Variants in ING3 observed in about 807,000 individuals in gnomAD.
The protein encoded by ING3 is inhibitor of growth family member 3.
In ING3, 6 loss-of-function variants were observed where a neutral mutation model predicts 64.8. That is an observed-to-expected ratio of 0.09 (90% CI 0.05 to 0.18). ING3 has a LOEUF of 0.18. Among genes scored for constraint, ING3 ranks in the 10% least tolerant of loss-of-function variants. ING3 has a pLI of 1.00. For synonymous variants in ING3, 170 were observed against 173.7 expected (o/e 0.98, Z 0.17); for missense variants, 310 against 489.7 (o/e 0.63, Z 3.46).
At position 120,969,302 on chromosome 7, in the gene ING3, G is replaced by A. The variant is rs1166490275; in HGVS notation, c.908+98G>A. On this transcript the variant is annotated intron_variant, in intron 9 of 11. Transcript: ENST00000315870. Reference sequence around the variant, plus strand: ...CTCTATGTTAAAGGCAGGATATAACGGATTAAAATTAACCTTGCAGAGGTA... The same window carrying A: ...CTCTATGTTAAAGGCAGGATATAACAGATTAAAATTAACCTTGCAGAGGTA... The A allele has an allele frequency of 1.4e-5, 12 of 832,146 alleles. No homozygotes were observed. The Middle Eastern group carries it at 1.2e-3, about 84-fold the overall frequency. 51.5% of individuals were successfully genotyped at this position (832,146 alleles called of 1,614,324 possible). A position where few individuals can be genotyped will look rare whatever the true frequency, so the allele number is the denominator to read the frequency against.
At chr7:120,967,710 A>G in intron 7 of ING3, 62 bp downstream of exon 7, 1 of 1,487,688 alleles carries the variant, frequency 6.7e-7, no homozygotes, top group Non-Finnish European at 9.1e-7. Flanking sequence ...GGGGAAATAA[A>G]GTGTTTCAGG....
At chr7:120,964,607 G>A in intron 4 of ING3, 135 bp from the exon 5 acceptor site, 1 of 632,478 alleles carries the variant, frequency 1.6e-6, no homozygotes, top group East Asian at 2.7e-5. Flanking sequence ...AACCTCTGAG[G>A]CATAGATTAA....
intron 1 of ING3, 88 bp downstream of exon 1, chr7:120,951,012 AG>A (rs1243597872): frequency 1.3e-5 from 8 of 607,256 alleles, no homozygotes; most frequent in Non-Finnish European, 2.4e-5. Flanking sequence ...GGCGGGAGGG[AG>A]GGGGCGGCGG....
At chr7:120,951,357 G>A in intron 2 of ING3, 122 bp downstream of exon 2, 1 of 886,780 alleles carries the variant, frequency 1.1e-6, no homozygotes, top group South Asian at 1.5e-5. Flanking sequence ...AGTGCATAAG[G>A]AGTTGTCAAA....
intron 3 of ING3, among the ~76,000 whole-genome samples, chr7:120,954,011 A>G (rs1338293689): frequency 6.6e-6 from 1 of 152,194 alleles, no homozygotes; most frequent in Non-Finnish European, 1.5e-5. Context: ...GATACATTGG[A>G]AAAACAACTT....
chr7:120,951,344 G>C, intron 2 of ING3, 109 bp downstream of exon 2: 1 of 999,820 alleles, frequency 1.0e-6, no homozygotes, highest in Non-Finnish European at 1.6e-6. Context: ...GGCTCACTCC[G>C]CTAGTGCATA....
intron 6 of ING3, among the ~76,000 whole-genome samples, chr7:120,966,918 A>G (rs1044821966): frequency 6.6e-6 from 1 of 152,158 alleles, no homozygotes; most frequent in Non-Finnish European, 1.5e-5. Flanking sequence ...AGGAGAATGT[A>G]TAGTACTAAT....
At chr7:120,965,381 C>T (rs1423007977) in intron 5 of ING3, among the ~76,000 whole-genome samples, 3 of 152,280 alleles carry the variant, frequency 2.0e-5, no homozygotes, top group African/African-American at 7.2e-5. Flanking sequence ...TGATCTCCTG[C>T]TATAACTTAC....
chr7:120,971,872 T>G (rs1796073900), intron 10 of ING3, among the ~76,000 whole-genome samples: 1 of 152,142 alleles, frequency 6.6e-6, no homozygotes, highest in African/African-American at 2.4e-5. Context: ...TACCAAAAAT[T>G]AATAAACATA....
intron 2 of ING3, 28 bp downstream of exon 2, chr7:120,951,263 TC>T: frequency 6.2e-7 from 1 of 1,609,580 alleles, no homozygotes; most frequent in South Asian, 1.1e-5. Context: ...CTACTCCTGT[TC>T]GCTGCGCGCG....
chr7:120,956,747 AG>A, intron 4 of ING3: 5 of 976,150 alleles, frequency 5.1e-6, no homozygotes, highest in Non-Finnish European at 6.1e-6. Flanking sequence ...ACTTAGAAAA[AG>A]GCATTTACAT....
intron 4 of ING3, among the ~76,000 whole-genome samples, chr7:120,959,172 C>T (rs879429479): frequency 3.3e-5 from 5 of 152,168 alleles, no homozygotes; most frequent in Admixed American, 6.5e-5. Context: ...CTGTCCTTGA[C>T]CTACATGGTT....
At position 120,977,151 on chromosome 7, in the gene ING3, G is replaced by A. The variant is rs1295570325; in HGVS notation, c.*2307G>A. 1 of 152,184 alleles carries A rather than the reference G, an allele frequency of 6.6e-6. No individual in the cohort carries two copies. The highest frequency in any genetic ancestry group is 1.5e-5 in the Non-Finnish European group (1 of 68,038). 9.4% of individuals were successfully genotyped at this position (152,184 alleles called of 1,614,324 possible). The stretch of plus-strand genomic sequence containing the variant: ...TGAAAATTGAGGCCTTACTGCTATG[G>A]AGTGTATATCAAAATGTTCATGGTG... On this transcript the variant is annotated 3_prime_UTR_variant, in exon 12 of 12. Coordinates refer to ENST00000315870, the MANE Select transcript of ING3 (RefSeq NM_019071.3).
At chr7:120,964,040 T>G (rs1245911662) in intron 4 of ING3, among the ~76,000 whole-genome samples, 1 of 152,134 alleles carries the variant, frequency 6.6e-6, no homozygotes, top group East Asian at 1.9e-4. Flanking sequence ...TTTTGTTAGT[T>G]TGAAGTGTCA....
At chr7:120,973,883 A>G (rs1029683335) in intron 11 of ING3, among the ~76,000 whole-genome samples, 25 of 152,190 alleles carry the variant, frequency 1.6e-4, no homozygotes, top group Admixed American at 6.5e-5. Flanking sequence ...AAGATTAACA[A>G]GAGTTTTAAA....
chr7:120,952,763 T>C lies in ING3; in HGVS notation c.101-541T>C, dbSNP rs374196726. The stretch of plus-strand genomic sequence containing the variant: ...GAATCTTTTTTATTAATTTTTCCTT[T>C]TTTTTTTTAGCAGACATCCAATGAG... On this transcript the variant is annotated intron_variant, in intron 2 of 11. Transcript: ENST00000315870. Among the ~76,000 whole-genome samples the C allele has an allele frequency of 4.6e-5, 7 of 151,842 alleles. No homozygotes were observed. In the East Asian group the frequency reaches 9.6e-4, roughly 21 times the overall value.
chr7:120,955,893 A>G, intron 4 of ING3: 2 of 567,820 alleles, frequency 3.5e-6, no homozygotes, highest in Non-Finnish European at 6.2e-6. Context: ...TTAAACAAGA[A>G]TTAATGTTTA....
intron 4 of ING3, among the ~76,000 whole-genome samples, chr7:120,962,993 C>T (rs751171985): frequency 4.6e-5 from 7 of 152,020 alleles, no homozygotes; most frequent in African/African-American, 1.2e-4. Flanking sequence ...GCACCAAGCA[C>T]GTAATAGCTC....
At chr7:120,959,012 G>A (rs1795893098) in intron 4 of ING3, among the ~76,000 whole-genome samples, 2 of 152,116 alleles carry the variant, frequency 1.3e-5, no homozygotes, top group African/African-American at 2.4e-5. Context: ...GACCCTATTG[G>A]TAAATTTAAT....
Sources: gnomAD v4.1 joint callset for allele counts (sites outside exome capture counted in the v4.1 genomes callset) on GRCh38, gnomAD v4.1.1 for gene constraint, MANE v1.5 for transcripts, NCBI Gene and HGNC (gene_info 2026-07-23, HGNC 2026-07-21) for gene names.